The following GALNT13 variants were observed in gnomAD, a reference collection of about 807,000 sequenced individuals.
The protein encoded by GALNT13 is UDP-GalNAc:polypeptide N-acetylgalactosaminyltransferase 13.
A neutral mutation model predicts 64.2 loss-of-function variants in GALNT13; 28 were observed. The observed-to-expected ratio is 0.44, with a 90% confidence interval of 0.32 to 0.60. The LOEUF (loss-of-function observed/expected upper bound fraction) is 0.60. Among genes scored for constraint, GALNT13 ranks in the 20% least tolerant of loss-of-function variants. The pLI, the probability that GALNT13 is intolerant of heterozygous loss-of-function variation, is 0.05. For missense variants in GALNT13, 577 were observed against 669.8 expected (o/e 0.86, Z 1.53); for synonymous variants, 214 against 224.6 (o/e 0.95, Z 0.42).
the GALNT13 span, among the ~76,000 whole-genome samples, chr2:153,513,553 CTAAG>C: frequency 6.6e-6 from 1 of 152,148 alleles, no homozygotes; most frequent in South Asian, 2.1e-4. Context: ...AGTTTGGTGC[CTAAG>C]TTTTAGTTGT....
At chr2:154,062,712 G>A (rs372669387) in intron 3 of GALNT13, among the ~76,000 whole-genome samples, 13 of 152,146 alleles carry the variant, frequency 8.5e-5, no homozygotes, top group Non-Finnish European at 1.6e-4. Context: ...GTCTCCCAGC[G>A]GAATTACAAT....
intron 4 of GALNT13, among the ~76,000 whole-genome samples, chr2:154,200,182 T>C (rs184950479): frequency 6.6e-6 from 1 of 152,196 alleles, no homozygotes; most frequent in African/African-American, 2.4e-5. Context: ...TAAAATTATA[T>C]TTTGTCTTTG....
intron 3 of GALNT13, among the ~76,000 whole-genome samples, chr2:153,999,784 G>A (rs1337201895): frequency 1.3e-5 from 2 of 151,952 alleles, no homozygotes; most frequent in Non-Finnish European, 1.5e-5. Flanking sequence ...TTGTTTTGTT[G>A]TTGTGTTCTT....
chr2:153,747,266 G>C, the GALNT13 span, among the ~76,000 whole-genome samples: 2 of 151,678 alleles, frequency 1.3e-5, no homozygotes, highest in Non-Finnish European at 2.9e-5. Flanking sequence ...ATTGACTATA[G>C]TCACCCTGTT....
chr2:153,214,262 T>C, the GALNT13 span, among the ~76,000 whole-genome samples: 1 of 152,144 alleles, frequency 6.6e-6, no homozygotes, highest in Non-Finnish European at 1.5e-5. Context: ...AAAAACTATA[T>C]ATTGATAGAG....
chr2:154,426,842 G>C (rs1464980068), intron 11 of GALNT13, among the ~76,000 whole-genome samples: 1 of 152,100 alleles, frequency 6.6e-6, no homozygotes, highest in Non-Finnish European at 1.5e-5. Flanking sequence ...CTGTTGCTCT[G>C]TTTCCCATAA....
At chr2:153,403,512 C>T in the GALNT13 span, among the ~76,000 whole-genome samples, 1 of 152,204 alleles carries the variant, frequency 6.6e-6, no homozygotes, top group Admixed American at 6.5e-5. Context: ...CAAAGGCGGG[C>T]GCCCCTCCCC....
the GALNT13 span, among the ~76,000 whole-genome samples, chr2:153,508,340 G>C: frequency 3.3e-5 from 5 of 152,182 alleles, no homozygotes; most frequent in African/African-American, 1.2e-4. Context: ...TGGGAGCAGG[G>C]ATAGACATGT....
the GALNT13 span, among the ~76,000 whole-genome samples, chr2:153,391,449 A>AT: frequency 6.6e-6 from 1 of 152,096 alleles, no homozygotes; most frequent in African/African-American, 2.4e-5. Flanking sequence ...AGCTGTGACT[A>AT]ACCACTTGTA....
the GALNT13 span, among the ~76,000 whole-genome samples, chr2:153,567,534 T>C: frequency 6.6e-6 from 1 of 152,150 alleles, no homozygotes; most frequent in Non-Finnish European, 1.5e-5. Context: ...CAACTGGCCA[T>C]TGTCCAGAGA....
intron 1 of GALNT13, among the ~76,000 whole-genome samples, chr2:153,886,178 G>GAA (rs199790267): frequency 7.6e-6 from 1 of 131,026 alleles, no homozygotes. Flanking sequence ...ATTCTGAACT[G>GAA]AAAAAAAAAA....
intron 2 of GALNT13, among the ~76,000 whole-genome samples, chr2:153,940,699 G>C (rs1438096332): frequency 1.3e-5 from 2 of 152,238 alleles, no homozygotes; most frequent in South Asian, 2.1e-4. Context: ...TTAGTTCACA[G>C]AAGCTCCTGC....
At chr2:153,402,414 G>T in the GALNT13 span, among the ~76,000 whole-genome samples, 1 of 151,174 alleles carries the variant, frequency 6.6e-6, no homozygotes, top group African/African-American at 2.4e-5. Flanking sequence ...TCTTGGAGTT[G>T]CTCTTCTCAA....
At chr2:154,279,057 A>G (rs1054492377) in intron 8 of GALNT13, among the ~76,000 whole-genome samples, 2 of 152,198 alleles carry the variant, frequency 1.3e-5, no homozygotes, top group South Asian at 2.1e-4. Context: ...ATAAATACCT[A>G]CAGGTATTGG....
the GALNT13 span, among the ~76,000 whole-genome samples, chr2:153,811,926 A>C: frequency 6.6e-6 from 1 of 152,226 alleles, no homozygotes; most frequent in Admixed American, 6.5e-5. Context: ...TTGAGATATA[A>C]TAAACATATA....
chr2:153,403,682 C>A, the GALNT13 span, among the ~76,000 whole-genome samples: 1 of 152,158 alleles, frequency 6.6e-6, no homozygotes. Context: ...GTGGGAGTGA[C>A]CTGATTTTCC....
the GALNT13 span, among the ~76,000 whole-genome samples, chr2:153,457,219 G>A: frequency 6.6e-6 from 1 of 152,134 alleles, no homozygotes; most frequent in Non-Finnish European, 1.5e-5. Flanking sequence ...CAATTCACTT[G>A]TGTTTTATGT....
At chr2:153,975,646 A>C (rs1694028535) in intron 3 of GALNT13, among the ~76,000 whole-genome samples, 1 of 152,132 alleles carries the variant, frequency 6.6e-6, no homozygotes, top group Non-Finnish European at 1.5e-5. Flanking sequence ...ATTCTTCTTA[A>C]TTTGGCTGCT....
the GALNT13 span, among the ~76,000 whole-genome samples, chr2:153,608,657 CATATT>C: frequency 1.4e-5 from 2 of 146,550 alleles, no homozygotes; most frequent in South Asian, 2.1e-4. Context: ...TATAGACAAA[CATATT>C]AATATATAAA....
Sources: gnomAD v4.1 joint callset for allele counts (sites outside exome capture counted in the v4.1 genomes callset) on GRCh38, gnomAD v4.1.1 for gene constraint, MANE v1.5 for transcripts, NCBI Gene and HGNC (gene_info 2026-07-23, HGNC 2026-07-21) for gene names.